Variants in NWD2 observed in about 807,000 individuals in gnomAD.
NWD2 encodes NACHT and WD repeat domain-containing protein 2.
A neutral mutation model predicts 132.7 loss-of-function variants in NWD2; 37 were observed. The ratio of observed to expected loss-of-function variants is 0.28; its 90% CI spans 0.21 to 0.37. The LOEUF is 0.37. Ranked by LOEUF, NWD2 falls within the 10% of genes least tolerant of loss-of-function variation. NWD2 has a pLI of 1.00. For synonymous variants in NWD2, 705 were observed against 803.0 expected, an observed-to-expected ratio of 0.88 and a Z score of 2.06; for missense variants, 1,592 against 2,122.4, an observed-to-expected ratio of 0.75 and a Z score of 4.91.
At chr4:37,274,461 T>C (rs1424476741) in intron 1 of NWD2, among the ~76,000 whole-genome samples, 21 of 151,940 alleles carry the variant, frequency 1.4e-4, no homozygotes, top group Admixed American at 1.4e-3. Context: ...CCAAAAAAAG[T>C]CCAGGACCAG....
chr4:37,252,635 A>G (rs1717400472), intron 1 of NWD2, among the ~76,000 whole-genome samples: 1 of 152,190 alleles, frequency 6.6e-6, no homozygotes, highest in African/African-American at 2.4e-5. Context: ...CTTTCAGCTA[A>G]GCCTAGACTT....
At chr4:37,320,485 T>C (rs1719046412) in intron 1 of NWD2, among the ~76,000 whole-genome samples, 1 of 152,178 alleles carries the variant, frequency 6.6e-6, no homozygotes, top group Non-Finnish European at 1.5e-5. Context: ...AATAGACTTT[T>C]TGCTTCTTGG....
At chr4:37,271,689 T>C (rs1717873761) in intron 1 of NWD2, among the ~76,000 whole-genome samples, 1 of 151,782 alleles carries the variant, frequency 6.6e-6, no homozygotes, top group Non-Finnish European at 1.5e-5. Flanking sequence ...GTTTCTTGCC[T>C]TATTACATCC....
At chr4:37,438,247 C>T (rs1398487686) in intron 5 of NWD2, among the ~76,000 whole-genome samples, 3 of 147,500 alleles carry the variant, frequency 2.0e-5, no homozygotes, top group Non-Finnish European at 3.0e-5. Flanking sequence ...GGCGACAGAG[C>T]GAGACTCCGT....
chr4:37,390,069 C>T (rs1430821844), intron 3 of NWD2, among the ~76,000 whole-genome samples: 5 of 152,298 alleles, frequency 3.3e-5, no homozygotes, highest in Non-Finnish European at 7.4e-5. Context: ...GGATTACAGG[C>T]GTCAGCCACC....
intron 3 of NWD2, among the ~76,000 whole-genome samples, chr4:37,421,359 C>A (rs1711802699): frequency 6.6e-6 from 1 of 152,144 alleles, no homozygotes; most frequent in East Asian, 1.9e-4. Flanking sequence ...CTCTGTTATG[C>A]AGCTCTTTCA....
At chr4:37,269,301 CT>C (rs543310109) in intron 1 of NWD2, among the ~76,000 whole-genome samples, 2 of 151,870 alleles carry the variant, frequency 1.3e-5, no homozygotes, top group South Asian at 4.1e-4. Context: ...GTTGGTTGTA[CT>C]TTTAATTAGG....
intron 1 of NWD2, among the ~76,000 whole-genome samples, chr4:37,275,708 G>T (rs113335564): frequency 0.039 from 5,992 of 152,182 alleles, 154 homozygotes; most frequent in East Asian, 0.11. Flanking sequence ...AAAACAGCAT[G>T]GTCCTGGTAC....
At chr4:37,274,844 C>T (rs911782755) in intron 1 of NWD2, among the ~76,000 whole-genome samples, 9 of 151,968 alleles carry the variant, frequency 5.9e-5, no homozygotes, top group African/African-American at 2.2e-4. Flanking sequence ...ATGATTATCT[C>T]AATAGATGCA....
chr4:37,347,556 T>C (rs1719660632), intron 2 of NWD2, among the ~76,000 whole-genome samples: 4 of 152,188 alleles, frequency 2.6e-5, no homozygotes, highest in Admixed American at 2.0e-4. Context: ...AACCATCTGA[T>C]CTGTTTACAA....
chr4:37,341,508 C>T (rs988312974), intron 2 of NWD2, among the ~76,000 whole-genome samples: 6 of 152,058 alleles, frequency 3.9e-5, no homozygotes, highest in Admixed American at 6.6e-5. Context: ...AGCCAGAGCA[C>T]GAACAATGAA....
At chr4:37,270,182 A>G (rs1435376) in intron 1 of NWD2, among the ~76,000 whole-genome samples, 28,565 of 151,734 alleles carry the variant, frequency 0.19, 3,530 homozygotes, top group Middle Eastern at 0.31. Context: ...TTATAAAATA[A>G]TAGAAGTTAT....
At chr4:37,284,021 G>T (rs1035358885) in intron 1 of NWD2, among the ~76,000 whole-genome samples, 3 of 152,194 alleles carry the variant, frequency 2.0e-5, no homozygotes, top group Admixed American at 2.0e-4. Context: ...AAGGTCATTA[G>T]TACTGAATTG....
intron 1 of NWD2, among the ~76,000 whole-genome samples, chr4:37,296,905 A>G (rs1377474859): frequency 6.6e-6 from 1 of 152,232 alleles, no homozygotes; most frequent in Admixed American, 6.5e-5. Context: ...TATTTCTCCC[A>G]GGAGTGATGG....
At position 37,430,569 on chromosome 4, in the gene NWD2, C is replaced by T. The variant is rs1712141433; in HGVS notation, c.358-3C>T. 6.5e-7 allele frequency: 1 copy of T among 1,549,616 alleles called. No individual in the cohort carries two copies. Among genetic ancestry groups the T allele is most frequent in the Non-Finnish European group, 8.7e-7 (1 of 1,145,218 alleles). The stretch of plus-strand genomic sequence containing the variant: ...TAAATTGAACTTTCTTGTTGATACA[C>T]AGGGACTATTAGGTGAAAAATATGG... On this transcript the variant is annotated splice_polypyrimidine_tract_variant and splice_region_variant and intron_variant, in intron 3 of 6. Transcript: ENST00000309447.
intron 1 of NWD2, among the ~76,000 whole-genome samples, chr4:37,264,895 A>G (rs1188156008): frequency 6.6e-6 from 1 of 152,174 alleles, no homozygotes; most frequent in Non-Finnish European, 1.5e-5. Flanking sequence ...TGCTTCTGGC[A>G]TAACTTTTCT....
chr4:37,287,660 AGG>A (rs1416035040), intron 1 of NWD2, among the ~76,000 whole-genome samples: 2 of 152,142 alleles, frequency 1.3e-5, no homozygotes, highest in African/African-American at 4.8e-5. Context: ...ATGAGCCCCT[AGG>A]GGGAGGGGTG....
intron 5 of NWD2, among the ~76,000 whole-genome samples, chr4:37,437,548 T>A (rs188307287): frequency 2.6e-5 from 4 of 152,284 alleles, no homozygotes; most frequent in Admixed American, 2.6e-4. Flanking sequence ...TCTCTCACCA[T>A]TGTATCCTAA....
intron 3 of NWD2, among the ~76,000 whole-genome samples, chr4:37,416,270 T>C (rs1344624980): frequency 6.6e-6 from 1 of 152,206 alleles, no homozygotes; most frequent in South Asian, 2.1e-4. Flanking sequence ...CTTTTAAGTA[T>C]GGAGTGAGAA....
Sources: gnomAD v4.1 joint callset for allele counts (sites outside exome capture counted in the v4.1 genomes callset) on GRCh38, gnomAD v4.1.1 for gene constraint, MANE v1.5 for transcripts, NCBI Gene and HGNC (gene_info 2026-07-23, HGNC 2026-07-21) for gene names.